The following FOXP2 variants were observed in gnomAD, a reference collection of about 807,000 sequenced individuals.
The protein encoded by FOXP2 is forkhead box P2, also known as forkhead box protein P2.
A neutral mutation model predicts 115.8 loss-of-function variants in FOXP2; 12 were observed. The observed-to-expected ratio is 0.10, with a 90% CI of 0.07 to 0.17. FOXP2 has a LOEUF of 0.17. FOXP2 is among the 10% of genes least tolerant of loss of function. The pLI is 1.00. For missense variants in FOXP2, 629 were observed against 843.5 expected (o/e 0.75, Z 3.15); for synonymous variants, 328 against 297.7 (o/e 1.10, Z -1.05).
intron 1 of FOXP2, among the ~76,000 whole-genome samples, chr7:114,211,701 C>T (rs1012506328): frequency 6.6e-6 from 1 of 152,188 alleles, no homozygotes; most frequent in African/African-American, 2.4e-5. Flanking sequence ...AATGTTTATA[C>T]TGTGATTTCA....
intron 2 of FOXP2, among the ~76,000 whole-genome samples, chr7:114,352,891 A>G (rs1329291596): frequency 6.6e-6 from 1 of 152,166 alleles, no homozygotes; most frequent in Non-Finnish European, 1.5e-5. Context: ...TTCACAATAT[A>G]CAGTTTTCTA....
chr7:114,282,023 A>G (rs948323632), intron 1 of FOXP2, among the ~76,000 whole-genome samples: 1 of 152,140 alleles, frequency 6.6e-6, no homozygotes, highest in African/African-American at 2.4e-5. Context: ...AATGTGGCTC[A>G]AAGAGAGCAA....
At chr7:114,654,042 G>A in intron 10 of FOXP2, 33 bp downstream of exon 10, 1 of 1,612,646 alleles carries the variant, frequency 6.2e-7, no homozygotes, top group Non-Finnish European at 8.5e-7. Context: ...ACAGTAAATA[G>A]CTCTACCAAT....
At chr7:114,260,035 G>A (rs1326711809) in intron 1 of FOXP2, among the ~76,000 whole-genome samples, 2 of 151,974 alleles carry the variant, frequency 1.3e-5, no homozygotes, top group Non-Finnish European at 2.9e-5. Flanking sequence ...GATTAGCGGG[G>A]TGTGTGCCTC....
At chr7:114,265,678 G>T (rs992593941) in intron 1 of FOXP2, among the ~76,000 whole-genome samples, 9 of 152,018 alleles carry the variant, frequency 5.9e-5, no homozygotes, top group Admixed American at 2.0e-4. Flanking sequence ...GGTTCTCGGT[G>T]GGGACTCTGC....
At chr7:114,504,827 A>G (rs1797735315) in intron 2 of FOXP2, among the ~76,000 whole-genome samples, 2 of 151,598 alleles carry the variant, frequency 1.3e-5, no homozygotes, top group African/African-American at 4.8e-5. Flanking sequence ...TCTTTTCCCT[A>G]TCACATAGAG....
chr7:114,664,760 C>T (rs1042727668), intron 16 of FOXP2: 5 of 338,466 alleles, frequency 1.5e-5, no homozygotes, highest in Non-Finnish European at 2.2e-5. Context: ...TTGTATGGTG[C>T]AATAAGAATA....
intron 1 of FOXP2, among the ~76,000 whole-genome samples, chr7:114,154,347 C>T (rs1792604182): frequency 6.6e-6 from 1 of 151,094 alleles, no homozygotes; most frequent in Non-Finnish European, 1.5e-5. Flanking sequence ...TTTTTTTTTC[C>T]ACCTCTCCTG....
At chr7:114,572,515 A>G (rs1047011317) in intron 3 of FOXP2, among the ~76,000 whole-genome samples, 1 of 151,860 alleles carries the variant, frequency 6.6e-6, no homozygotes, top group African/African-American at 2.4e-5. Context: ...TTAAAGGAAG[A>G]TAAATTTTAG....
intron 2 of FOXP2, among the ~76,000 whole-genome samples, chr7:114,461,305 TTGTC>T (rs1380339167): frequency 1.3e-5 from 2 of 152,202 alleles, no homozygotes; most frequent in African/African-American, 4.8e-5. Flanking sequence ...TTCATTTTGG[TTGTC>T]TGATCACATA....
intron 2 of FOXP2, among the ~76,000 whole-genome samples, chr7:114,352,521 A>G (rs954150861): frequency 2.6e-5 from 4 of 152,182 alleles, no homozygotes; most frequent in African/African-American, 7.2e-5. Flanking sequence ...AACTCCTAGA[A>G]AACTAACAGA....
At chr7:114,277,816 A>G (rs946332177) in intron 1 of FOXP2, among the ~76,000 whole-genome samples, 2 of 151,916 alleles carry the variant, frequency 1.3e-5, no homozygotes, top group Non-Finnish European at 2.9e-5. Flanking sequence ...GGAGTTGGAG[A>G]CCAGCCTAGT....
chr7:114,414,019 T>C (rs116999788), upstream of FOXP2, among the ~76,000 whole-genome samples: 1 of 152,122 alleles, frequency 6.6e-6, no homozygotes, highest in East Asian at 1.9e-4. Context: ...GTTCCTGTCT[T>C]GGGTGTAACT....
intron 1 of FOXP2, among the ~76,000 whole-genome samples, chr7:114,209,007 G>T (rs536429917): frequency 2.6e-4 from 39 of 152,274 alleles, no homozygotes; most frequent in South Asian, 1.7e-3. Flanking sequence ...GGCTGAAGTG[G>T]AATGATATGG....
intron 6 of FOXP2, among the ~76,000 whole-genome samples, chr7:114,637,421 C>T (rs1387994747): frequency 6.6e-6 from 1 of 151,948 alleles, no homozygotes; most frequent in South Asian, 2.1e-4. Context: ...TAAGAGAAAC[C>T]GAATAATCTT....
chr7:114,156,442 C>A (rs979493035), intron 1 of FOXP2, among the ~76,000 whole-genome samples: 2 of 152,122 alleles, frequency 1.3e-5, no homozygotes, highest in African/African-American at 4.8e-5. Flanking sequence ...CCCAGATATT[C>A]CTTTCTATTG....
chr7:114,663,446 T>TC lies in FOXP2; in HGVS notation c.1770-3dup. ...AAATGATCTTTATATATTTTTTTTT[T>TC]CAGAAGTCCAACCTTAGTAAAAAAT... On this transcript the variant is annotated splice_polypyrimidine_tract_variant and splice_region_variant and intron_variant, in intron 14 of 16. Coordinates refer to ENST00000350908, the MANE Select transcript of FOXP2 (RefSeq NM_014491.4). 6.3e-7 allele frequency: 1 copy of TC among 1,599,176 alleles called. No individual in the cohort carries two copies. The highest frequency in any genetic ancestry group is 1.1e-5 in the South Asian group (1 of 90,386).
intron 1 of FOXP2, among the ~76,000 whole-genome samples, chr7:114,281,490 C>T (rs888657190): frequency 6.6e-6 from 1 of 152,054 alleles, no homozygotes; most frequent in Admixed American, 6.6e-5. Flanking sequence ...CTTACTTTTG[C>T]TCTGAGTAAA....
chr7:114,327,912 C>CTTTTA, intron 2 of FOXP2, among the ~76,000 whole-genome samples: 1 of 145,462 alleles, frequency 6.9e-6, no homozygotes, highest in East Asian at 2.0e-4. Flanking sequence ...CTTATTTTTT[C>CTTTTA]TTTTCTTTTC....
Sources: allele counts gnomAD v4.1 joint callset (sites outside exome capture counted in the v4.1 genomes callset), GRCh38; gene constraint gnomAD v4.1.1; transcripts MANE v1.5; gene names NCBI Gene and HGNC (gene_info 2026-07-23, HGNC 2026-07-21).